The following LOC128706665 variants were observed in gnomAD, a reference collection of about 807,000 sequenced individuals.
chr20:10,431,483 G>T, the LOC128706665 span, among the ~76,000 whole-genome samples: 1 of 151,926 alleles, frequency 6.6e-6, no homozygotes, highest in Non-Finnish European at 1.5e-5. Flanking sequence ...AGAAGATAAT[G>T]GGACAATCTT....
the LOC128706665 span, among the ~76,000 whole-genome samples, chr20:10,421,800 T>C: frequency 5.3e-5 from 8 of 151,640 alleles, no homozygotes; most frequent in African/African-American, 1.9e-4. Flanking sequence ...ATATTTTAAA[T>C]TTGGAAAGGA....
At chr20:10,430,792 G>A in the LOC128706665 span, among the ~76,000 whole-genome samples, 1 of 152,228 alleles carries the variant, frequency 6.6e-6, no homozygotes, top group Non-Finnish European at 1.5e-5. Context: ...CAAAGACGGT[G>A]AAAAATTTCA....
chr20:10,433,726 T>C, the LOC128706665 span, among the ~76,000 whole-genome samples: 63 of 151,928 alleles, frequency 4.1e-4, no homozygotes, highest in African/African-American at 1.2e-3. Flanking sequence ...GGGTACACCG[T>C]GCACCCTCCA....
At chr20:10,433,709 C>T in the LOC128706665 span, among the ~76,000 whole-genome samples, 1 of 152,146 alleles carries the variant, frequency 6.6e-6, no homozygotes, top group Non-Finnish European at 1.5e-5. Context: ...CACCTCCCGA[C>T]AGCCTGGGGT....
At chr20:10,428,839 G>A in the LOC128706665 span, among the ~76,000 whole-genome samples, 1 of 94,712 alleles carries the variant, frequency 1.1e-5, no homozygotes, top group Non-Finnish European at 2.4e-5. Flanking sequence ...GCAAGACTCC[G>A]TCTCAATAAA....
At chr20:10,430,981 G>A in the LOC128706665 span, among the ~76,000 whole-genome samples, 5 of 152,266 alleles carry the variant, frequency 3.3e-5, no homozygotes, top group African/African-American at 1.2e-4. Context: ...CCACAAATTA[G>A]TTATGGTCTT....
chr20:10,425,547 C>T, the LOC128706665 span, among the ~76,000 whole-genome samples: 1 of 152,174 alleles, frequency 6.6e-6, no homozygotes, highest in African/African-American at 2.4e-5. Context: ...ACTGGGAGAT[C>T]CAATTTGTGA....
the LOC128706665 span, among the ~76,000 whole-genome samples, chr20:10,432,226 G>A: frequency 1.3e-5 from 2 of 152,208 alleles, no homozygotes; most frequent in African/African-American, 4.8e-5. Flanking sequence ...TGTGGGACTG[G>A]TGGAGAACAT....
chr20:10,415,158 G>T, the LOC128706665 span, among the ~76,000 whole-genome samples: 1 of 152,136 alleles, frequency 6.6e-6, no homozygotes, highest in Admixed American at 6.5e-5. Flanking sequence ...TGTGTGAAAA[G>T]AATAAAAACG....
chr20:10,431,222 A>C, the LOC128706665 span, among the ~76,000 whole-genome samples: 11 of 152,156 alleles, frequency 7.2e-5, no homozygotes, highest in African/African-American at 2.7e-4. Flanking sequence ...TTATCATCGA[A>C]TATTTTGACT....
chr20:10,421,902 T>C, the LOC128706665 span, among the ~76,000 whole-genome samples: 1 of 152,082 alleles, frequency 6.6e-6, no homozygotes, highest in Admixed American at 6.6e-5. Context: ...CTTATACTCT[T>C]AATAAGGACT....
the LOC128706665 span, among the ~76,000 whole-genome samples, chr20:10,428,545 A>C: frequency 6.6e-6 from 1 of 152,180 alleles, no homozygotes; most frequent in African/African-American, 2.4e-5. Context: ...GCTCTCAACT[A>C]AATCTTCTTT....
At chr20:10,433,399 G>C in the LOC128706665 span, among the ~76,000 whole-genome samples, 1 of 152,306 alleles carries the variant, frequency 6.6e-6, no homozygotes, top group Middle Eastern at 3.4e-3. Flanking sequence ...CTAGAACATG[G>C]AGTCAGGACC....
the LOC128706665 span, among the ~76,000 whole-genome samples, chr20:10,432,649 C>T: frequency 6.6e-6 from 1 of 152,044 alleles, no homozygotes; most frequent in Non-Finnish European, 1.5e-5. Context: ...CAAAAATTAG[C>T]CAGGTGCAGT....
the LOC128706665 span, among the ~76,000 whole-genome samples, chr20:10,426,106 T>G: frequency 3.3e-5 from 5 of 152,384 alleles, no homozygotes; most frequent in East Asian, 9.6e-4. Flanking sequence ...ATTTTTCATT[T>G]TGTTTTGCTT....
the LOC128706665 span, among the ~76,000 whole-genome samples, chr20:10,430,992 G>A: frequency 1.3e-5 from 2 of 152,096 alleles, no homozygotes; most frequent in Non-Finnish European, 2.9e-5. Flanking sequence ...TTATGGTCTT[G>A]GACAAATTAC....
At chr20:10,426,955 C>G in the LOC128706665 span, among the ~76,000 whole-genome samples, 1 of 151,206 alleles carries the variant, frequency 6.6e-6, no homozygotes, top group African/African-American at 2.4e-5. Context: ...AGAGGGAGAA[C>G]TTGCTATGCT....
At chr20:10,432,870 C>G in the LOC128706665 span, among the ~76,000 whole-genome samples, 8 of 148,906 alleles carry the variant, frequency 5.4e-5, no homozygotes, top group Non-Finnish European at 1.2e-4. Flanking sequence ...TAAATAATCT[C>G]TAGGCTACTT....
chr20:10,415,834 T>C, the LOC128706665 span, among the ~76,000 whole-genome samples: 2 of 152,054 alleles, frequency 1.3e-5, no homozygotes, highest in Middle Eastern at 3.2e-3. Context: ...GTGAGACCAG[T>C]ACACATATCT....
Sources: gnomAD v4.1 joint callset for allele counts (sites outside exome capture counted in the v4.1 genomes callset) on GRCh38, gnomAD v4.1.1 for gene constraint, MANE v1.5 for transcripts.